The following PPP1R13B variants were observed in gnomAD, a reference collection of about 807,000 sequenced individuals.
The protein encoded by PPP1R13B is apoptosis-stimulating of p53 protein 1.
In PPP1R13B, 44 loss-of-function variants were observed where a neutral mutation model predicts 119.8. That is an observed-to-expected ratio of 0.37 (90% confidence interval 0.29 to 0.47). The LOEUF (loss-of-function observed/expected upper bound fraction) is 0.47. PPP1R13B is among the 20% of genes least tolerant of loss of function. PPP1R13B has a pLI of 0.99. For missense variants in PPP1R13B, 1,227 were observed against 1,413.5 expected, an observed-to-expected ratio of 0.87 and a Z score of 2.12; for synonymous variants, 542 against 561.5, an observed-to-expected ratio of 0.97 and a Z score of 0.49.
chr14:103,735,303 C>T, intron 16 of PPP1R13B, 108 bp from the exon 17 acceptor site: 1 of 1,034,482 alleles, frequency 9.7e-7, no homozygotes, highest in Non-Finnish European at 1.5e-6. Flanking sequence ...AGCCGTGCAG[C>T]ACCCTTGTCC....
chr14:103,830,981 T>A (rs1218760533), intron 1 of PPP1R13B, among the ~76,000 whole-genome samples: 1 of 151,590 alleles, frequency 6.6e-6, no homozygotes, highest in African/African-American at 2.4e-5. Flanking sequence ...TCTCACTCTG[T>A]CGCCCAGGCT....
At chr14:103,736,490 C>T (rs1595701648) in intron 15 of PPP1R13B, 5 of 498,548 alleles carry the variant, frequency 1.0e-5, no homozygotes, top group South Asian at 5.5e-5. Context: ...CTTAAGGTGA[C>T]GCTTAGCAAT....
chr14:103,829,891 G>A (rs1303284333), intron 1 of PPP1R13B, among the ~76,000 whole-genome samples: 2 of 151,958 alleles, frequency 1.3e-5, no homozygotes, highest in Non-Finnish European at 2.9e-5. Context: ...CGATTCTCCC[G>A]AGTCAGCCTC....
At chr14:103,789,927 G>A (rs1020299740) in intron 2 of PPP1R13B, among the ~76,000 whole-genome samples, 2 of 152,034 alleles carry the variant, frequency 1.3e-5, no homozygotes, top group Non-Finnish European at 2.9e-5. Context: ...ATAAAGAGGA[G>A]AACTCTAGAC....
chr14:103,757,873 T>C, intron 4 of PPP1R13B, 122 bp from the exon 5 acceptor site: 7 of 633,584 alleles, frequency 1.1e-5, no homozygotes, highest in Non-Finnish European at 1.8e-5. Context: ...GAGTACCAAC[T>C]AGTTTATTTT....
rs1345872316 is a variant in PPP1R13B, at chr14:103,797,490, T to C, written c.38A>G (p.Asn13Ser). ...PMILTVFLSN[N>S]EQILTEVPIT... is the part of the protein sequence containing the mutation. ...AGGAACTTCTGTTAAAATCTGTTCA[T>C]TGTTGCTCAAGAAAACAGTTAATAT... Residue 13 changes from asparagine (N) to serine (S), a missense_variant, in exon 2 of 17, where the codon AAT (asparagine) becomes AGT (serine). Asn to Ser is a conservative substitution (Grantham distance 46). Coordinates refer to ENST00000202556, the MANE Select transcript of PPP1R13B (RefSeq NM_015316.3). 7 of 1,613,202 alleles carry C rather than the reference T, an allele frequency of 4.3e-6. No individual in the cohort carries two copies. Among genetic ancestry groups the C allele is most frequent in the African/African-American group, 1.3e-5 (1 of 74,914 alleles).
intron 6 of PPP1R13B, 30 bp downstream of exon 6, chr14:103,754,040 T>C (rs2084615106): frequency 1.2e-6 from 2 of 1,602,310 alleles, no homozygotes; most frequent in South Asian, 2.2e-5. Context: ...CTGGTGAGAG[T>C]GGTGTCGAGG....
intron 8 of PPP1R13B, among the ~76,000 whole-genome samples, chr14:103,748,556 AG>A (rs2084455990): frequency 6.6e-6 from 1 of 152,256 alleles, no homozygotes; most frequent in Non-Finnish European, 1.5e-5. Flanking sequence ...CTGGTGGGTC[AG>A]GAGAGTGGGT....
At chr14:103,804,742 A>G (rs1222088749) in intron 1 of PPP1R13B, among the ~76,000 whole-genome samples, 1 of 152,160 alleles carries the variant, frequency 6.6e-6, no homozygotes. Context: ...TCTAAGGAAA[A>G]AAAAAAATCT....
rs138359714 is a variant in PPP1R13B, at chr14:103,764,609, C to G, written c.355-6858G>C. On this transcript the variant is annotated intron_variant, in intron 4 of 16. Coordinates refer to ENST00000202556, the MANE Select transcript of PPP1R13B (RefSeq NM_015316.3). ...ATATGAAAGTTTCAAAATGCTTATT[C>G]TCAATTTCTGTTATTCATTGCAAAT... 49 of 169,844 alleles carry G rather than the reference C, an allele frequency of 2.9e-4. No individual in the cohort carries two copies. In the East Asian group the frequency reaches 7.7e-3, roughly 27 times the overall value. 10.5% of individuals were successfully genotyped at this position (169,844 alleles called of 1,614,324 possible).
intron 3 of PPP1R13B, among the ~76,000 whole-genome samples, 185 bp downstream of exon 3, chr14:103,784,610 A>T (rs2152025062): frequency 6.9e-6 from 1 of 144,100 alleles, no homozygotes; most frequent in African/African-American, 2.5e-5. Flanking sequence ...AAAAAAAAAA[A>T]AAAAAGTGCC....
At chr14:103,746,623 G>C in intron 8 of PPP1R13B, 70 bp from the exon 9 acceptor site, 1 of 1,316,744 alleles carries the variant, frequency 7.6e-7, no homozygotes, top group Non-Finnish European at 1.0e-6. Flanking sequence ...TAGTGCAAGA[G>C]ACTGCCAGCT....
chr14:103,738,847 G>C lies in PPP1R13B; in HGVS notation c.2731-35C>G. On this transcript the variant is annotated intron_variant, in intron 13 of 16. Coordinates refer to ENST00000202556, the MANE Select transcript of PPP1R13B (RefSeq NM_015316.3). This position sits in a 1 kb window ranked among gnomAD's most constrained non-coding sequence, Gnocchi z 5.6. ...ACGGCCTGTGAGCGCCCATCCCCTC[G>C]CCCCCAGCAGCGTGCACTGGTCCCC... The C allele has an allele frequency of 6.2e-7, 1 of 1,613,260 alleles. No individual in the cohort carries two copies. The highest frequency in any genetic ancestry group is 1.1e-5 in the South Asian group (1 of 91,062).
intron 1 of PPP1R13B, among the ~76,000 whole-genome samples, chr14:103,826,946 A>G (rs1474027759): frequency 6.6e-6 from 1 of 151,770 alleles, no homozygotes; most frequent in Non-Finnish European, 1.5e-5. Context: ...CGGGAGGCAG[A>G]GCTTGCAGTG....
At position 103,733,918 on chromosome 14, in the gene PPP1R13B, T is replaced by C. The variant is rs1251460092; in HGVS notation, c.*1236A>G. 1 of 155,078 alleles carries C rather than the reference T, an allele frequency of 6.4e-6. No homozygotes were observed. The highest frequency in any genetic ancestry group is 1.4e-5 in the Non-Finnish European group (1 of 69,824). The allele number at this position is 155,078 out of a possible 1,614,324, so 9.6% of individuals were successfully genotyped here. A position where few individuals can be genotyped will look rare whatever the true frequency, so the allele number is the denominator to read the frequency against. ...GTGATGGGCTACAGTGCTGCATCAG[T>C]GAGTCTGTACACACATTTTTACATA... is the stretch of plus-strand genomic sequence containing the variant. On this transcript the variant is annotated 3_prime_UTR_variant, in exon 17 of 17. Transcript: ENST00000202556.
intron 3 of PPP1R13B, among the ~76,000 whole-genome samples, chr14:103,782,866 C>T (rs1188385970): frequency 1.3e-5 from 2 of 151,574 alleles, no homozygotes; most frequent in African/African-American, 2.4e-5. Flanking sequence ...TGCAATGGCG[C>T]GATCTCGGGC....
chr14:103,802,295 T>G (rs10146218), intron 1 of PPP1R13B, among the ~76,000 whole-genome samples: 19,929 of 151,848 alleles, frequency 0.13, 1,991 homozygotes, highest in African/African-American at 0.27. Context: ...GGCAAAAGAG[T>G]GAGACTCTGT....
Position 103,778,762 on chromosome 14 carries a change from T to C in PPP1R13B, c.337A>G (p.Lys113Glu). 4 of 1,613,958 alleles carry C rather than the reference T, an allele frequency of 2.5e-6. No individual in the cohort carries two copies. The highest frequency in any genetic ancestry group is 3.4e-6 in the Non-Finnish European group (4 of 1,179,844). The change falls in exon 4 of 17, where the codon AAA (lysine) becomes GAA (glutamate). Residue 113 changes from lysine to glutamate, a missense_variant. Lys to Glu is a moderately conservative substitution (Grantham distance 56). Coordinates refer to ENST00000202556, the MANE Select transcript of PPP1R13B (RefSeq NM_015316.3). ...QRNVINVPGE[K>E]RTENGVGNPR... is the part of the protein sequence containing the mutation. ...TCACTTACCCCATTTTCAGTACGTT[T>C]TTCTCCAGGTACATTTATTACATTT...
At chr14:103,832,360 T>C (rs2086681272) in intron 1 of PPP1R13B, among the ~76,000 whole-genome samples, 1 of 152,172 alleles carries the variant, frequency 6.6e-6, no homozygotes, top group South Asian at 2.1e-4. Context: ...TGATTTCCAG[T>C]CTGAGACCAC....
Sources: gnomAD v4.1 joint callset for allele counts (sites outside exome capture counted in the v4.1 genomes callset) on GRCh38, gnomAD v4.1.1 for gene constraint, Gnocchi (gnomAD v3.1) non-coding constraint, MANE v1.5 for transcripts, NCBI Gene and HGNC (gene_info 2026-07-23, HGNC 2026-07-21) for gene names.